The following GFI1 variants were observed in gnomAD, a reference collection of about 807,000 sequenced individuals.
GFI1 encodes zinc finger protein Gfi-1.
In GFI1, 15 loss-of-function variants were observed where a neutral mutation model predicts 39.2. That is an observed-to-expected ratio of 0.38 (90% CI 0.26 to 0.59). The LOEUF is 0.59. GFI1 is among the 20% of genes least tolerant of loss of function. The pLI is 0.62. For missense variants in GFI1, 475 were observed against 574.0 expected (o/e 0.83, Z 1.76); for synonymous variants, 239 against 254.3 (o/e 0.94, Z 0.57).
At chr1:92,483,316 C>G (rs1658368446) in intron 2 of GFI1, 57 bp downstream of exon 2, 9 of 958,128 alleles carry the variant, frequency 9.4e-6, no homozygotes, top group South Asian at 8.0e-5. Context: ...AATGGTGTGC[C>G]GAGGTGCAGT....
rs1658184144 is a variant in GFI1 at position 92,480,626 on chromosome 1, G to A, written c.761C>T (p.Ser254Phe). Reference protein sequence around the residue: ...LCTRLLLGGGSYKCIKCSKVF... With the variant: ...LCTRLLLGGGFYKCIKCSKVF... ...CTTGCTGCACTTGATGCACTTGTAG[G>A]AGCCGCCGCCCAGCAGCAGGCGGGT... The change falls in exon 4 of 7, where the codon TCC becomes TTC. Residue 254 changes from serine (S) to phenylalanine (F), a missense_variant. Transcript: ENST00000294702. The surrounding 1 kb of genome is among the most constrained non-coding windows in gnomAD (Gnocchi z 5.6). 1 of 1,575,000 alleles carries A rather than the reference G, an allele frequency of 6.3e-7. No homozygotes were observed. The highest frequency in any genetic ancestry group is 8.6e-7 in the Non-Finnish European group (1 of 1,166,168).
In GFI1 at chr1:92,480,327, G is replaced by T; in HGVS notation, c.924+21C>A. The T allele has an allele frequency of 6.5e-7, 1 of 1,545,110 alleles. No individual in the cohort carries two copies. The highest frequency in any genetic ancestry group is 1.4e-5 in the African/African-American group (1 of 73,094). ...AAGATCCCCGAGCAGGGCCGCGCGC[G>T]GCGGTGCGCCCCGCGCTTACCTGCG... On this transcript the variant is annotated intron_variant, in intron 5 of 6. Transcript: ENST00000294702. This position sits in a 1 kb window ranked among gnomAD's most constrained non-coding sequence, Gnocchi z 5.6.
Position 92,483,539 on chromosome 1 carries a change from C to G in GFI1, c.-52G>C. 9.9e-7 allele frequency: 1 copy of G among 1,013,162 alleles called. No individual in the cohort carries two copies. The highest frequency in any genetic ancestry group is 1.5e-6 in the Non-Finnish European group (1 of 649,414). The allele number at this position is 1,013,162 out of a possible 1,614,324, so 62.8% of individuals were successfully genotyped here. A position where few individuals can be genotyped will look rare whatever the true frequency, so the allele number is the denominator to read the frequency against. On this transcript the variant is annotated 5_prime_UTR_variant, in exon 2 of 7. Coordinates refer to ENST00000294702, the MANE Select transcript of GFI1 (RefSeq NM_005263.5). ...CCCCAAGAGTCCCTGGAGCCGCTGT[C>G]ACCCACGGTCACTCCGAGGGCTTGC...
chr1:92,486,526 C>T (rs1658534232), intron 1 of GFI1, among the ~76,000 whole-genome samples, 200 bp downstream of exon 1: 1 of 144,786 alleles, frequency 6.9e-6, no homozygotes, highest in African/African-American at 2.6e-5. Flanking sequence ...GTCACCCGCC[C>T]CCCCCACCCC....
rs1658296589 is a variant in GFI1, at chr1:92,482,316, C to T, written c.298+548G>A. Among the ~76,000 whole-genome samples, 1 of 152,094 alleles carries T rather than the reference C, an allele frequency of 6.6e-6. No homozygotes were observed. The highest frequency in any genetic ancestry group is 2.1e-4 in the South Asian group (1 of 4,822). On this transcript the variant is annotated intron_variant, in intron 3 of 6. Coordinates refer to ENST00000294702, the MANE Select transcript of GFI1 (RefSeq NM_005263.5). This position sits in a 1 kb window ranked among gnomAD's most constrained non-coding sequence, Gnocchi z 4.4. ...GCTGGATTGCTCGCTGGAAATGAAA[C>T]CCAGAGAGCAGGCCCCTGAGGCTAG...
Position 92,480,890 on chromosome 1 carries a change from G to A in GFI1, c.497C>T (p.Ala166Val). 6.5e-7 allele frequency: 1 copy of A among 1,539,342 alleles called. No individual in the cohort carries two copies. The highest frequency in any genetic ancestry group is 1.2e-5 in the South Asian group (1 of 82,980). Reference sequence around the variant, plus strand: ...GGCAGCCCGCTTCGGGCCGTACAGCGCGGCCGGGTGGCCAGGCTCCGGGGC... The same window carrying A: ...GGCAGCCCGCTTCGGGCCGTACAGCACGGCCGGGTGGCCAGGCTCCGGGGC... ...EPAPEPGHPA[A>V]LYGPKRAAGG... The change falls in exon 4 of 7, where the codon GCG (alanine) becomes GTG (valine). Residue 166 changes from alanine (A) to valine (V), a missense_variant. This residue lies in a region of GFI1 where 275 missense variants were observed against 275.8 expected (regional missense o/e 1.00). Transcript: ENST00000294702. The surrounding 1 kb of genome is among the most constrained non-coding windows in gnomAD (Gnocchi z 5.6).
intron 2 of GFI1, 59 bp downstream of exon 2, chr1:92,483,314 G>A: frequency 1.1e-6 from 1 of 940,346 alleles, no homozygotes. Flanking sequence ...CTAATGGTGT[G>A]CCGAGGTGCA....
chr1:92,475,826 T>C lies in GFI1; in HGVS notation c.*203A>G, dbSNP rs939291843. The C allele has an allele frequency of 1.6e-6, 1 of 610,190 alleles. No individual in the cohort carries two copies. Among genetic ancestry groups the C allele is most frequent in the Non-Finnish European group, 2.9e-6 (1 of 339,442 alleles). 37.8% of individuals were successfully genotyped at this position (610,190 alleles called of 1,614,324 possible). On this transcript the variant is annotated 3_prime_UTR_variant, in exon 7 of 7. Coordinates refer to ENST00000294702, the MANE Select transcript of GFI1 (RefSeq NM_005263.5). ...GAGTCACTTGGTTCTCACTCTCGGC[T>C]GCACTTTGAAAAGGTACCTCATTTC...
In GFI1 at chr1:92,486,852, C is replaced by A. The variant is rs1383525689; in HGVS notation, c.-226G>T. 1 of 152,230 alleles carries A rather than the reference C, an allele frequency of 6.6e-6. No homozygotes were observed. The highest frequency in any genetic ancestry group is 6.5e-5 in the Admixed American group (1 of 15,294). The allele number at this position is 152,230 out of a possible 1,614,324, so 9.4% of individuals were successfully genotyped here. A position where few individuals can be genotyped will look rare whatever the true frequency, so the allele number is the denominator to read the frequency against. On this transcript the variant is annotated 5_prime_UTR_variant, in exon 1 of 7. Transcript: ENST00000294702. ...CCTGGCGGCGCGTCCCGCGGGCGCC[C>A]GGCGGGACCGGTGGGCGCACCCTCC...
chr1:92,478,508 C>T (rs1203146193), intron 6 of GFI1, 80 bp downstream of exon 6: 2 of 1,237,602 alleles, frequency 1.6e-6, no homozygotes, highest in Admixed American at 1.7e-5. Flanking sequence ...ATCCACCACT[C>T]ACTGGGGCCA....
At chr1:92,476,394 C>T (rs538463083) in intron 6 of GFI1, among the ~76,000 whole-genome samples, 187 bp from the exon 7 acceptor site, 1 of 152,296 alleles carries the variant, frequency 6.6e-6, no homozygotes, top group Admixed American at 6.5e-5. Flanking sequence ...CCTGGAAGCA[C>T]CATGGGGGCA....
At chr1:92,483,781 G>A in intron 1 of GFI1, 195 bp from the exon 2 acceptor site, 1 of 453,248 alleles carries the variant, frequency 2.2e-6, no homozygotes, top group South Asian at 2.0e-5. Context: ...CGTTGCCGCC[G>A]CCGCCACTGA....
chr1:92,481,980 C>CA lies in GFI1; in HGVS notation c.298+883dup, dbSNP rs1170111534. Among the ~76,000 whole-genome samples, 1 of 151,612 alleles carries CA rather than the reference C, an allele frequency of 6.6e-6. No individual in the cohort carries two copies. The highest frequency in any genetic ancestry group is 2.4e-5 in the African/African-American group (1 of 41,074). ...GCACAACACTCCAGTTCAGGCTGGC[C>CA]ACTTCAGTGAGAGGCTGTACCCGGA... On this transcript the variant is annotated intron_variant, in intron 3 of 6. Coordinates refer to ENST00000294702, the MANE Select transcript of GFI1 (RefSeq NM_005263.5). The surrounding 1 kb of genome is among the most constrained non-coding windows in gnomAD (Gnocchi z 4.3).
intron 1 of GFI1, 141 bp from the exon 2 acceptor site, chr1:92,483,727 G>A (rs1265107285): frequency 7.4e-6 from 4 of 542,192 alleles, no homozygotes; most frequent in African/African-American, 3.8e-5. Context: ...CTGCTGCGCC[G>A]CGCTTACCAG....
Position 92,475,951 on chromosome 1 carries a change from A to G in GFI1, c.*78T>C, listed in dbSNP as rs1015420539. ...AAGTCAGAAGGGAGTGGAGGCAAGC[A>G]GGGAGCAGAGTGGTGGCAAGCAGGG... On this transcript the variant is annotated 3_prime_UTR_variant, in exon 7 of 7. Transcript: ENST00000294702. The G allele has an allele frequency of 7.4e-7, 1 of 1,350,586 alleles. No individual in the cohort carries two copies. The highest frequency in any genetic ancestry group is 1.0e-6 in the Non-Finnish European group (1 of 955,260). The allele number at this position is 1,350,586 out of a possible 1,614,324, so 83.7% of individuals were successfully genotyped here.
In GFI1 at chr1:92,475,905, A is replaced by G; in HGVS notation, c.*124T>C. On this transcript the variant is annotated 3_prime_UTR_variant, in exon 7 of 7. Transcript: ENST00000294702. ...GGAGGAGCAACCTGGTAGGATCTGC[A>G]GACTGGACCTGGGGTCTGGAAAGTC... The G allele has an allele frequency of 1.2e-6, 1 of 866,210 alleles. No individual in the cohort carries two copies. The highest frequency in any genetic ancestry group is 1.4e-5 in the South Asian group (1 of 70,060). The allele number at this position is 866,210 out of a possible 1,614,324, so 53.7% of individuals were successfully genotyped here.
At position 92,474,008 on chromosome 1, in the gene GFI1, C is replaced by T. The variant is rs1436487649; in HGVS notation, c.*2021G>A. Among the ~76,000 whole-genome samples the T allele has an allele frequency of 2.6e-5, 4 of 152,348 alleles. No individual in the cohort carries two copies. The highest frequency in any genetic ancestry group is 4.1e-4 in the South Asian group (2 of 4,828). ...GAAATGGGCAATCTGCTGGTTCTCACCATGGGGCATGCATACCCTGAATGT... is the reference window on the plus strand; with the variant it reads ...GAAATGGGCAATCTGCTGGTTCTCATCATGGGGCATGCATACCCTGAATGT... On this transcript the variant is annotated 3_prime_UTR_variant, in exon 7 of 7. Coordinates refer to ENST00000294702, the MANE Select transcript of GFI1 (RefSeq NM_005263.5).
intron 2 of GFI1, 129 bp from the exon 3 acceptor site, chr1:92,483,175 AC>A (rs1658361627): frequency 1.1e-6 from 1 of 906,290 alleles, no homozygotes; most frequent in South Asian, 1.7e-5. Context: ...CCGGCCGGGA[AC>A]CCTCTCGGAT....
rs144192494 is a variant in GFI1 at position 92,478,800 on chromosome 1, A to C, written c.925-47T>G. The stretch of plus-strand genomic sequence containing the variant: ...GAGAGAGAGAGAGAGAGAGATGCAG[A>C]ACTCCTACTGCAGTCAACTAGACTG... On this transcript the variant is annotated intron_variant, in intron 5 of 6. Transcript: ENST00000294702. 4.3e-4 allele frequency: 681 copies of C among 1,576,290 alleles called. 4 individuals carry two copies. The African/African-American group carries it at 8.5e-3, about 20-fold the overall frequency.
Sources: gnomAD v4.1 joint callset for allele counts (sites outside exome capture counted in the v4.1 genomes callset) on GRCh38, gnomAD v4.1.1 for gene constraint, gnomAD v4.1.1 regional missense constraint, Gnocchi (gnomAD v3.1) non-coding constraint, MANE v1.5 for transcripts, NCBI Gene and HGNC (gene_info 2026-07-23, HGNC 2026-07-21) for gene names.